CTDSPL: variants seen among roughly 807,000 people sequenced by gnomAD.
CTDSPL encodes CTD small phosphatase-like protein.
Under a neutral mutation model 30.5 loss-of-function variants are expected in CTDSPL, and 8 were observed. The observed-to-expected ratio is 0.26, with a 90% CI of 0.15 to 0.47. The LOEUF is 0.47. Among genes scored for constraint, CTDSPL ranks in the 20% least tolerant of loss-of-function variants. The pLI, the probability that CTDSPL is intolerant of heterozygous loss-of-function variation, is 0.99. For synonymous variants in CTDSPL, 110 were observed against 137.9 expected (o/e 0.80, Z 1.42); for missense variants, 248 against 366.1 (o/e 0.68, Z 2.63).
intron 7 of CTDSPL, among the ~76,000 whole-genome samples, chr3:37,977,558 T>C (rs917183814): frequency 6.6e-6 from 1 of 151,888 alleles, no homozygotes; most frequent in African/African-American, 2.4e-5. Flanking sequence ...AGAGCTCTAC[T>C]GCTTGATTAG....
chr3:37,974,282 G>T (rs1034125559), intron 6 of CTDSPL, among the ~76,000 whole-genome samples: 1 of 152,220 alleles, frequency 6.6e-6, no homozygotes, highest in East Asian at 1.9e-4. Flanking sequence ...CCTGGACTCT[G>T]CCTCCTACAG....
At chr3:37,908,478 TG>T (rs1698542767) in intron 1 of CTDSPL, among the ~76,000 whole-genome samples, 1 of 152,252 alleles carries the variant, frequency 6.6e-6, no homozygotes, top group African/African-American at 2.4e-5. Flanking sequence ...TTATTTTTAA[TG>T]GCTGGGTAAT....
intron 2 of CTDSPL, among the ~76,000 whole-genome samples, chr3:37,951,492 A>G (rs1699107682): frequency 6.6e-6 from 1 of 152,168 alleles, no homozygotes; most frequent in African/African-American, 2.4e-5. Context: ...CCTGGGCAAC[A>G]TAGGGAAACC....
chr3:37,907,726 T>C (rs898364774), intron 1 of CTDSPL, among the ~76,000 whole-genome samples: 4 of 152,194 alleles, frequency 2.6e-5, no homozygotes, highest in African/African-American at 4.8e-5. Context: ...CAGACTAATA[T>C]TTCTATAAGT....
intron 7 of CTDSPL, among the ~76,000 whole-genome samples, chr3:37,979,305 A>G (rs1316900288): frequency 6.6e-6 from 1 of 151,908 alleles, no homozygotes; most frequent in Non-Finnish European, 1.5e-5. Flanking sequence ...GCTACTAAAA[A>G]AAAAAGAAAA....
In CTDSPL at chr3:37,903,631, A is replaced by G. The variant is rs374807878; in HGVS notation, c.79+41353A>G. ...TGCTATCACAAGGGTTATCACAAAC[A>G]TGTCCAGGCAGACAGTCAGCAAAGG... On this transcript the variant is annotated intron_variant, in intron 1 of 7. Coordinates refer to ENST00000273179, the MANE Select transcript of CTDSPL (RefSeq NM_001008392.2). Among the ~76,000 whole-genome samples the G allele has an allele frequency of 2.4e-4, 37 of 152,298 alleles. No homozygotes were observed. The East Asian group carries it at 6.0e-3, about 25-fold the overall frequency.
chr3:37,872,327 G>GT (rs987120469), intron 1 of CTDSPL, among the ~76,000 whole-genome samples: 20 of 151,522 alleles, frequency 1.3e-4, no homozygotes, highest in East Asian at 3.9e-4. Flanking sequence ...GGCATTTATT[G>GT]TTTTTTTTCA....
At chr3:37,865,329 A>G (rs1032204594) in intron 1 of CTDSPL, among the ~76,000 whole-genome samples, 1 of 152,282 alleles carries the variant, frequency 6.6e-6, no homozygotes, top group African/African-American at 2.4e-5. Context: ...AGAAAGTCGT[A>G]GAGGAAGAAA....
At chr3:37,947,491 C>T (rs1469702898) in intron 2 of CTDSPL, among the ~76,000 whole-genome samples, 8 of 151,952 alleles carry the variant, frequency 5.3e-5, no homozygotes, top group African/African-American at 1.9e-4. Context: ...ACCTGGGAGG[C>T]GGAGGTTGCA....
chr3:37,867,584 TAAG>T (rs1698025160), intron 1 of CTDSPL, among the ~76,000 whole-genome samples: 1 of 152,234 alleles, frequency 6.6e-6, no homozygotes, highest in Non-Finnish European at 1.5e-5. Context: ...CAGCAATGTA[TAAG>T]TGATCCAGTT....
chr3:37,962,398 A>G (rs1699253898), intron 3 of CTDSPL, among the ~76,000 whole-genome samples: 1 of 152,246 alleles, frequency 6.6e-6, no homozygotes, highest in South Asian at 2.1e-4. Context: ...TCCCTGCAGC[A>G]CAAATTAAAA....
chr3:37,982,202 T>TTGGTC lies in CTDSPL; in HGVS notation c.*1337_*1341dup. The TTGGTC allele has an allele frequency of 3.2e-6, 1 of 310,720 alleles. No individual in the cohort carries two copies. The highest frequency in any genetic ancestry group is 2.7e-5 in the South Asian group (1 of 36,482). The allele number at this position is 310,720 out of a possible 1,614,324, so 19.2% of individuals were successfully genotyped here. A position where few individuals can be genotyped will look rare whatever the true frequency, so the allele number is the denominator to read the frequency against. On this transcript the variant is annotated 3_prime_UTR_variant, in exon 8 of 8. Coordinates refer to ENST00000273179, the MANE Select transcript of CTDSPL (RefSeq NM_001008392.2). Reference sequence around the variant, plus strand: ...AGCTGATGTGGCCCAAGTCCATCTCTTGGTCTTCTCCTTTGAAGCACAGCC... The same window carrying TTGGTC: ...AGCTGATGTGGCCCAAGTCCATCTCTTGGTCTGGTCTTCTCCTTTGAAGCACAGCC...
Position 37,981,868 on chromosome 3 carries a change from C to T in CTDSPL, c.*1001C>T, listed in dbSNP as rs1377494550. ...GTTTGGGAATTTTCCTTGCTGCTAC[C>T]GCGCTGCCACCAAATGGAATTGACC... is the stretch of plus-strand genomic sequence containing the variant. On this transcript the variant is annotated 3_prime_UTR_variant, in exon 8 of 8. Transcript: ENST00000273179. 1.8e-5 allele frequency: 8 copies of T among 457,124 alleles called. No homozygotes were observed. Among genetic ancestry groups the T allele is most frequent in the East Asian group, 6.9e-5 (1 of 14,404 alleles). The allele number at this position is 457,124 out of a possible 1,614,324, so 28.3% of individuals were successfully genotyped here.
At chr3:37,968,318 G>A in intron 5 of CTDSPL, 1 of 436,068 alleles carries the variant, frequency 2.3e-6, no homozygotes, top group Admixed American at 2.7e-5. Flanking sequence ...TATCATTCCT[G>A]CATCGTTTTC....
At chr3:37,948,145 A>C (rs1268837364) in intron 2 of CTDSPL, among the ~76,000 whole-genome samples, 1 of 152,078 alleles carries the variant, frequency 6.6e-6, no homozygotes, top group Admixed American at 6.5e-5. Flanking sequence ...TTAGCCAGGC[A>C]TGGTGGTGGG....
At chr3:37,899,227 C>T (rs1358144060) in intron 1 of CTDSPL, among the ~76,000 whole-genome samples, 1 of 152,160 alleles carries the variant, frequency 6.6e-6, no homozygotes, top group Non-Finnish European at 1.5e-5. Flanking sequence ...TATTTAAACT[C>T]ATGGGAATGG....
chr3:37,900,900 C>G (rs756330303), intron 1 of CTDSPL, among the ~76,000 whole-genome samples: 31 of 152,122 alleles, frequency 2.0e-4, no homozygotes, highest in Non-Finnish European at 4.3e-4. Context: ...CCAATTCAAG[C>G]AATTCTCCTG....
chr3:37,881,036 A>C (rs970162648), intron 1 of CTDSPL, among the ~76,000 whole-genome samples: 1 of 151,796 alleles, frequency 6.6e-6, no homozygotes, highest in Non-Finnish European at 1.5e-5. Context: ...AAAAAAAAAA[A>C]AGAAAGAAAG....
intron 1 of CTDSPL, among the ~76,000 whole-genome samples, chr3:37,932,800 C>T (rs1698869568): frequency 6.6e-6 from 1 of 152,156 alleles, no homozygotes; most frequent in African/African-American, 2.4e-5. Flanking sequence ...AGACTTTGGT[C>T]CCAGCCATTA....
Sources: gnomAD v4.1 joint callset for allele counts (sites outside exome capture counted in the v4.1 genomes callset) on GRCh38, gnomAD v4.1.1 for gene constraint, MANE v1.5 for transcripts, NCBI Gene and HGNC (gene_info 2026-07-23, HGNC 2026-07-21) for gene names.